The following PCDHGA3 variants were observed in gnomAD, a reference collection of about 807,000 sequenced individuals.
PCDHGA3 encodes the protein protocadherin gamma-A3.
In PCDHGA3, 40 loss-of-function variants were observed where a neutral mutation model predicts 58.5. The observed-to-expected ratio is 0.68, with a 90% CI of 0.53 to 0.89. PCDHGA3 has a LOEUF of 0.89. Among genes scored for constraint, PCDHGA3 ranks in the 40% least tolerant of loss-of-function variants. The pLI, the probability that PCDHGA3 is intolerant of heterozygous loss-of-function variation, is 0.00. For synonymous variants in PCDHGA3, 530 were observed against 525.7 expected, an observed-to-expected ratio of 1.01 and a Z score of -0.11; for missense variants, 1,223 against 1,195.9, an observed-to-expected ratio of 1.02 and a Z score of -0.33.
chr5:141,457,495 T>C (rs2098922394), intron 1 of PCDHGA3, among the ~76,000 whole-genome samples: 1 of 152,204 alleles, frequency 6.6e-6, no homozygotes, highest in Admixed American at 6.5e-5. Context: ...GTCTAAAATG[T>C]AGGCAAAAAG....
At chr5:141,488,691 G>A (rs1443084778) in intron 1 of PCDHGA3, among the ~76,000 whole-genome samples, 2 of 152,192 alleles carry the variant, frequency 1.3e-5, no homozygotes, top group Non-Finnish European at 2.9e-5. Flanking sequence ...CTCCCAGAAG[G>A]ACAAGATTTT....
intron 3 of PCDHGA3, among the ~76,000 whole-genome samples, chr5:141,510,329 A>G (rs1433056614): frequency 6.7e-6 from 1 of 150,230 alleles, no homozygotes; most frequent in South Asian, 2.1e-4. Context: ...AGCACTCTTC[A>G]CCCCCACCCC....
At chr5:141,413,179 G>C in intron 1 of PCDHGA3, 1 of 1,602,658 alleles carries the variant, frequency 6.2e-7, no homozygotes. Context: ...GACTACAATG[G>C]CCGCTCAAAG....
intron 1 of PCDHGA3, chr5:141,374,178 G>T: frequency 1.9e-6 from 3 of 1,613,614 alleles, no homozygotes; most frequent in Non-Finnish European, 2.5e-6. Flanking sequence ...GCGCAGATCC[G>T]CTACTCTATT....
chr5:141,504,379 G>T (rs181617363), intron 2 of PCDHGA3, among the ~76,000 whole-genome samples: 1 of 152,088 alleles, frequency 6.6e-6, no homozygotes, highest in African/African-American at 2.4e-5. Context: ...AGGTGGAGTC[G>T]CTGCCTCACA....
At position 141,344,285 on chromosome 5, in the gene PCDHGA3, G is replaced by A; in HGVS notation, c.252G>A (p.Leu84=). ...LFSLNPQSGS[L]VTAERIDREE... ...CTCTGAATCCGCAAAGCGGCAGCTTGGTCACCGCGGAGAGGATAGACCGGG... is the reference window on the plus strand; with the variant it reads ...CTCTGAATCCGCAAAGCGGCAGCTTAGTCACCGCGGAGAGGATAGACCGGG... Residue 84 remains leucine (L), a synonymous_variant, in exon 1 of 4, where the codon TTG becomes TTA. Coordinates refer to ENST00000253812, the MANE Select transcript of PCDHGA3 (RefSeq NM_018916.4). 6.2e-7 allele frequency: 1 copy of A among 1,614,096 alleles called. No individual in the cohort carries two copies. The highest frequency in any genetic ancestry group is 8.5e-7 in the Non-Finnish European group (1 of 1,179,932).
chr5:141,442,051 C>G (rs1384937090), intron 1 of PCDHGA3: 1 of 197,158 alleles, frequency 5.1e-6, no homozygotes, highest in East Asian at 1.8e-4. Context: ...CTACTGGTCG[C>G]GGTGCACTGC....
At chr5:141,371,836 T>C (rs1399404619) in intron 1 of PCDHGA3, 2 of 1,613,592 alleles carry the variant, frequency 1.2e-6, no homozygotes, top group East Asian at 4.5e-5. Flanking sequence ...GATCCCGACT[T>C]GGGACCTAAT....
intron 1 of PCDHGA3, chr5:141,418,636 C>G (rs564881404): frequency 6.2e-7 from 1 of 1,613,980 alleles, no homozygotes; most frequent in South Asian, 1.1e-5. Context: ...CTCCAGGCAC[C>G]TCCATCCTGA....
chr5:141,357,649 C>T (rs766421079), intron 1 of PCDHGA3: 1 of 1,609,184 alleles, frequency 6.2e-7, no homozygotes, highest in South Asian at 1.1e-5. Flanking sequence ...TAGATCATAC[C>T]ACACTGAAAT....
chr5:141,427,982 G>T, intron 1 of PCDHGA3: 1 of 1,596,752 alleles, frequency 6.3e-7, no homozygotes, highest in African/African-American at 1.3e-5. Flanking sequence ...CCGCGCTGGG[G>T]CCCGATGGCT....
At position 141,345,726 on chromosome 5, in the gene PCDHGA3, C is replaced by T. The variant is rs752462186; in HGVS notation, c.1693C>T (p.Pro565Ser). 12 of 1,614,250 alleles carry T rather than the reference C, an allele frequency of 7.4e-6. No homozygotes were observed. The South Asian group carries it at 8.8e-5, about 12-fold the overall frequency. ...CGACAACGCGCCCGAGATCCTGTAC[C>T]CCGCCCTCCCCACAGACGGTTCCAC... ...QNDNAPEILY[P>S]ALPTDGSTGV... Residue 565 changes from proline to serine, a missense_variant, in exon 1 of 4, where the codon CCC becomes TCC. Around this residue, in one of 3 missense-constraint regions of PCDHGA3, gnomAD observed 791 missense variants for 708.5 expected, o/e 1.12. Transcript: ENST00000253812.
intron 1 of PCDHGA3, among the ~76,000 whole-genome samples, chr5:141,448,877 G>A (rs1421211206): frequency 6.6e-6 from 1 of 152,112 alleles, no homozygotes; most frequent in African/African-American, 2.4e-5. Flanking sequence ...CCTGGGAGGC[G>A]GAGCTTGCAG....
Position 141,355,864 on chromosome 5 carries a change from C to T in PCDHGA3, c.2424+9407C>T, listed in dbSNP as rs749145164. 1 of 1,612,570 alleles carries T rather than the reference C, an allele frequency of 6.2e-7. No individual in the cohort carries two copies. Among genetic ancestry groups the T allele is most frequent in the Admixed American group, 1.7e-5 (1 of 59,822 alleles). On this transcript the variant is annotated intron_variant, in intron 1 of 3. Coordinates refer to ENST00000253812, the MANE Select transcript of PCDHGA3 (RefSeq NM_018916.4). ...GGCCTTCGATGGAGGTGACCCGGTT[C>T]GCTCTGGCACTGCCAGGATTCTCAT...
At chr5:141,400,524 G>A (rs958686867) in intron 1 of PCDHGA3, 1 of 1,613,802 alleles carries the variant, frequency 6.2e-7, no homozygotes, top group Non-Finnish European at 8.5e-7. Context: ...ATCCTGAGTT[G>A]GTGAGTTTCA....
In PCDHGA3 at chr5:141,432,986, G is replaced by A. The variant is rs2097557714; in HGVS notation, c.2425-61821G>A. ...AGCGCCGGCGTCGCACTTTGTGGGC[G>A]TGGACGGGGTGCAGGCTTTCCTGCA... On this transcript the variant is annotated intron_variant, in intron 1 of 3. Transcript: ENST00000253812. This position sits in a 1 kb window ranked among gnomAD's most constrained non-coding sequence, Gnocchi z 6.0. 6 of 1,614,258 alleles carry A rather than the reference G, an allele frequency of 3.7e-6. No individual in the cohort carries two copies. In the Middle Eastern group the frequency reaches 4.9e-4, roughly 133 times the overall value.
At chr5:141,399,304 T>C (rs756847972) in intron 1 of PCDHGA3, 1 of 1,613,956 alleles carries the variant, frequency 6.2e-7, no homozygotes, top group Admixed American at 1.7e-5. Context: ...GATTATCTCT[T>C]CATCCAAAAA....
At chr5:141,366,940 C>G in intron 1 of PCDHGA3, 1 of 819,904 alleles carries the variant, frequency 1.2e-6, no homozygotes, top group East Asian at 2.8e-5. Context: ...GGAAGTCTAG[C>G]TGATATCTGT....
At chr5:141,398,287 C>G in intron 1 of PCDHGA3, 1 of 1,396,196 alleles carries the variant, frequency 7.2e-7, no homozygotes, top group Non-Finnish European at 9.8e-7. Flanking sequence ...CGCCACGGAC[C>G]TGGGGTTCAG....
Sources: allele counts gnomAD v4.1 joint callset (sites outside exome capture counted in the v4.1 genomes callset), GRCh38; gene constraint gnomAD v4.1.1; regional missense constraint gnomAD v4.1.1; non-coding constraint Gnocchi (gnomAD v3.1); transcripts MANE v1.5; gene names NCBI Gene and HGNC (gene_info 2026-07-23, HGNC 2026-07-21).